Variants in RABGEF1 observed in about 807,000 individuals in gnomAD.
RABGEF1 encodes the protein rab5 GDP/GTP exchange factor.
A neutral mutation model predicts 57.3 loss-of-function variants in RABGEF1; 26 were observed. That is an observed-to-expected ratio of 0.45 (90% CI 0.33 to 0.63). The LOEUF (loss-of-function observed/expected upper bound fraction) is 0.63. Ranked by LOEUF, RABGEF1 falls within the 20% of genes least tolerant of loss-of-function variation. The probability of loss-of-function intolerance (pLI) is 0.02; values close to 1 mark genes in which losing one functional copy is unlikely to be tolerated. For missense variants in RABGEF1, 464 were observed against 607.6 expected (o/e 0.76, Z 2.48); for synonymous variants, 185 against 210.7 (o/e 0.88, Z 1.06).
the RABGEF1 span, among the ~76,000 whole-genome samples, chr7:66,661,108 G>T: frequency 2.6e-5 from 4 of 151,890 alleles, no homozygotes; most frequent in South Asian, 8.3e-4. Flanking sequence ...AGGAGATCGA[G>T]ACCACAGTGA....
intron 2 of RABGEF1, among the ~76,000 whole-genome samples, chr7:66,772,919 A>T (rs1238882879): frequency 6.7e-6 from 1 of 149,460 alleles, no homozygotes; most frequent in Non-Finnish European, 1.5e-5. Flanking sequence ...CTCAAAAAAA[A>T]ATAAATAAAT....
At chr7:66,740,598 C>T (rs1167375223), upstream of RABGEF1, 1 of 152,600 alleles carries the variant, frequency 6.6e-6, no homozygotes, top group African/African-American at 2.4e-5. Flanking sequence ...TGGATCCACT[C>T]GCACTTCCTC....
At chr7:66,771,473 G>T (rs150046799) in intron 1 of RABGEF1, among the ~76,000 whole-genome samples, 1 of 152,200 alleles carries the variant, frequency 6.6e-6, no homozygotes, top group African/African-American at 2.4e-5. Flanking sequence ...TAATGTATTT[G>T]TCTGATTTTG....
intron 1 of RABGEF1, among the ~76,000 whole-genome samples, chr7:66,694,990 C>T (rs992031064): frequency 2.0e-5 from 3 of 152,066 alleles, no homozygotes; most frequent in African/African-American, 7.2e-5. Context: ...TGGTGTCAAG[C>T]CACAGGGTGG....
intron 3 of RABGEF1, among the ~76,000 whole-genome samples, chr7:66,780,891 T>C (rs1009387102): frequency 2.6e-5 from 4 of 152,156 alleles, no homozygotes; most frequent in African/African-American, 9.7e-5. Context: ...AGAGTATGCT[T>C]TTCCTTTCAT....
intron 1 of RABGEF1, among the ~76,000 whole-genome samples, chr7:66,769,549 A>AGG (rs1018768988): frequency 4.6e-5 from 7 of 152,310 alleles, no homozygotes; most frequent in Non-Finnish European, 1.0e-4. Flanking sequence ...GTGAGGTTAG[A>AGG]GGGGAGGGCT....
rs1454226235 is a variant in RABGEF1, at chr7:66,809,444, ACCTTAGTTAATAAT to A, written c.*161_*174del. ...TTGTTTCGTTTTTCCTAGCAGGGGA[ACCTTAGTTAATAAT>A]AAAATACTACTTATTTGAGTTACTG... On this transcript the variant is annotated 3_prime_UTR_variant, in exon 9 of 9. Coordinates refer to ENST00000284957, the MANE Select transcript of RABGEF1 (RefSeq NM_014504.3). The A allele has an allele frequency of 2.9e-6, 2 of 680,766 alleles. No individual in the cohort carries two copies. The highest frequency in any genetic ancestry group is 7.2e-5 in the Admixed American group (2 of 27,624). The allele number at this position is 680,766 out of a possible 1,614,324, so 42.2% of individuals were successfully genotyped here. A position where few individuals can be genotyped will look rare whatever the true frequency, so the allele number is the denominator to read the frequency against.
intron 2 of RABGEF1, among the ~76,000 whole-genome samples, chr7:66,730,818 A>G (rs1011294900): frequency 1.3e-5 from 2 of 151,924 alleles, no homozygotes; most frequent in African/African-American, 4.8e-5. Flanking sequence ...TAGCCTCCCA[A>G]AGTGCTGGGA....
chr7:66,778,117 T>C (rs1433059521), intron 3 of RABGEF1, among the ~76,000 whole-genome samples: 1 of 152,240 alleles, frequency 6.6e-6, no homozygotes, highest in Non-Finnish European at 1.5e-5. Context: ...TTGGATAAGA[T>C]TAGCCTAAGT....
At chr7:66,681,327 T>C (rs1034908534), upstream of RABGEF1, among the ~76,000 whole-genome samples, 1 of 152,116 alleles carries the variant, frequency 6.6e-6, no homozygotes, top group African/African-American at 2.4e-5. Context: ...CAGTATCCAA[T>C]TTGTGACTCA....
At position 66,809,260 on chromosome 7, in the gene RABGEF1, G is replaced by T. The variant is rs1039362405; in HGVS notation, c.1452G>T (p.Leu484=). 7 of 1,609,790 alleles carry T rather than the reference G, an allele frequency of 4.3e-6. No homozygotes were observed. The highest frequency in any genetic ancestry group is 5.9e-6 in the Non-Finnish European group (7 of 1,177,164). Residue 484 remains leucine (L), a synonymous_variant, in exon 9 of 9, where the codon CTG becomes CTT. Transcript: ENST00000284957. ...AAAATGATAAACTTCCTCCACCACT[G>T]CAACCTCAAGTTTATGCAGGATGAT... is the stretch of plus-strand genomic sequence containing the variant. The part of the protein sequence containing the change: ...NVENDKLPPP[L]QPQVYAG
intron 1 of RABGEF1, among the ~76,000 whole-genome samples, chr7:66,696,347 A>T (rs1792328990): frequency 6.6e-6 from 1 of 151,984 alleles, no homozygotes. Flanking sequence ...TACAGGTGTG[A>T]GTCATCCAGT....
intron 1 of RABGEF1, among the ~76,000 whole-genome samples, chr7:66,759,784 G>T (rs1313053687): frequency 2.6e-5 from 4 of 152,136 alleles, no homozygotes; most frequent in Non-Finnish European, 5.9e-5. Flanking sequence ...ACTGCCCCAT[G>T]ATCAGATCAC....
chr7:66,786,646 T>C (rs975286825), intron 4 of RABGEF1, among the ~76,000 whole-genome samples: 2 of 152,172 alleles, frequency 1.3e-5, no homozygotes, highest in African/African-American at 4.8e-5. Context: ...TCAGGTGATC[T>C]TCCCAACTTG....
chr7:66,681,642 G>A (rs1236972992), upstream of RABGEF1, among the ~76,000 whole-genome samples: 2 of 152,138 alleles, frequency 1.3e-5, no homozygotes, highest in South Asian at 2.1e-4. Context: ...GGCCTCAAGC[G>A]ATCCTCCTGC....
intron 1 of RABGEF1, among the ~76,000 whole-genome samples, chr7:66,703,306 C>A (rs1306444135): frequency 6.6e-6 from 1 of 152,122 alleles, no homozygotes; most frequent in East Asian, 1.9e-4. Context: ...GAAGTTCAAC[C>A]TATCTATTTT....
At chr7:66,680,153 T>C (rs1789595200), upstream of RABGEF1, among the ~76,000 whole-genome samples, 1 of 152,362 alleles carries the variant, frequency 6.6e-6, no homozygotes, top group Non-Finnish European at 1.5e-5. Flanking sequence ...TATTGTCTTT[T>C]GGTAATAGCA....
chr7:66,792,110 CA>C (rs200920841), intron 4 of RABGEF1, among the ~76,000 whole-genome samples: 14,251 of 90,862 alleles, frequency 0.16, 647 homozygotes, highest in Middle Eastern at 0.18. Flanking sequence ...GACTCCATCT[CA>C]AAAAAAAAAA....
At chr7:66,679,463 C>T (rs1225530216), upstream of RABGEF1, among the ~76,000 whole-genome samples, 1 of 152,114 alleles carries the variant, frequency 6.6e-6, no homozygotes. Flanking sequence ...TATAGGCCAC[C>T]ACGCCTGGCT....
Sources: gnomAD v4.1 joint callset for allele counts (sites outside exome capture counted in the v4.1 genomes callset) on GRCh38, gnomAD v4.1.1 for gene constraint, MANE v1.5 for transcripts, NCBI Gene and HGNC (gene_info 2026-07-23, HGNC 2026-07-21) for gene names.